The following PHKB variants were observed in gnomAD, a reference collection of about 807,000 sequenced individuals.
PHKB encodes phosphorylase kinase regulatory subunit beta.
Under a neutral mutation model 152.1 loss-of-function variants are expected in PHKB, and 122 were observed. The ratio of observed to expected loss-of-function variants is 0.80; its 90% CI spans 0.69 to 0.93. The LOEUF is 0.93. Ranked by LOEUF, PHKB falls within the 40% of genes least tolerant of loss-of-function variation. PHKB has a pLI of 0.00. For missense variants in PHKB, 1,304 were observed against 1,328.4 expected, an observed-to-expected ratio of 0.98 and a Z score of 0.29; for synonymous variants, 436 against 464.9, an observed-to-expected ratio of 0.94 and a Z score of 0.80.
At chr16:47,544,919 T>C (rs1971131726) in intron 6 of PHKB, among the ~76,000 whole-genome samples, 2 of 152,208 alleles carry the variant, frequency 1.3e-5, no homozygotes, top group Admixed American at 6.5e-5. Flanking sequence ...TTGCAACCCC[T>C]GCTTTTTTTT....
chr16:47,600,949 G>A (rs1489598877), intron 13 of PHKB, among the ~76,000 whole-genome samples: 1 of 152,178 alleles, frequency 6.6e-6, no homozygotes, highest in East Asian at 1.9e-4. Context: ...TTCGCGACTA[G>A]CCTCGCTAGT....
intron 8 of PHKB, among the ~76,000 whole-genome samples, chr16:47,582,088 G>A (rs572619262): frequency 2.6e-4 from 40 of 152,332 alleles, no homozygotes; most frequent in Admixed American, 7.2e-4. Context: ...AGGAGGCATG[G>A]ATTAAACCAG....
At position 47,699,297 on chromosome 16, in the gene PHKB, G is replaced by A. The variant is rs745857378; in HGVS notation, c.3213G>A (p.Lys1071=). ...GKRGTCSYLT[K]AVMNLLLEGE... Reference sequence around the variant, plus strand: ...GAGGAACATGCAGCTATTTGACAAAGGCGGTGATGAATCTGCTGCTGGAAG... The same window carrying A: ...GAGGAACATGCAGCTATTTGACAAAAGCGGTGATGAATCTGCTGCTGGAAG... The change falls in exon 31 of 31, where the codon AAG becomes AAA. Residue 1071 remains lysine (K), a synonymous_variant. Transcript: ENST00000323584. The A allele has an allele frequency of 2.5e-6, 4 of 1,614,008 alleles. No homozygotes were observed. The African/African-American group carries it at 5.3e-5, about 22-fold the overall frequency.
intron 6 of PHKB, among the ~76,000 whole-genome samples, chr16:47,545,835 T>G (rs1431655591): frequency 6.6e-6 from 1 of 152,214 alleles, no homozygotes; most frequent in Non-Finnish European, 1.5e-5. Context: ...TTCATTTCAT[T>G]CATTTGATCT....
chr16:47,617,293 G>A (rs1048485618), intron 14 of PHKB, among the ~76,000 whole-genome samples: 6 of 147,948 alleles, frequency 4.1e-5, no homozygotes, highest in Non-Finnish European at 6.0e-5. Context: ...CATATAAAAC[G>A]ATATATATCA....
intron 16 of PHKB, among the ~76,000 whole-genome samples, chr16:47,648,030 A>G (rs1203564778): frequency 6.6e-6 from 1 of 152,146 alleles, no homozygotes; most frequent in Admixed American, 6.5e-5. Flanking sequence ...AGTTGTTGCA[A>G]AAGGGATTGT....
intron 6 of PHKB, among the ~76,000 whole-genome samples, chr16:47,540,648 C>G (rs1971038218): frequency 1.3e-5 from 2 of 151,766 alleles, no homozygotes; most frequent in African/African-American, 4.8e-5. Context: ...AATAAAAGAA[C>G]CTACATTGAA....
chr16:47,648,416 A>C (rs1394711667), intron 16 of PHKB, 117 bp from the exon 17 acceptor site: 1 of 775,096 alleles, frequency 1.3e-6, no homozygotes, highest in Non-Finnish European at 2.3e-6. Flanking sequence ...TTTTTGGATT[A>C]GGGTTCCCTA....
intron 25 of PHKB, among the ~76,000 whole-genome samples, chr16:47,667,536 T>G (rs1490358715): frequency 6.6e-6 from 1 of 152,180 alleles, no homozygotes; most frequent in Non-Finnish European, 1.5e-5. Flanking sequence ...TTATCCCTGT[T>G]TGTTGGCTAA....
intron 11 of PHKB, among the ~76,000 whole-genome samples, chr16:47,593,916 TA>T (rs1198926681): frequency 6.6e-6 from 1 of 152,216 alleles, no homozygotes; most frequent in Admixed American, 6.5e-5. Context: ...AAAATTCAAT[TA>T]AAATTCAGTT....
At chr16:47,677,580 C>A (rs530287027) in intron 26 of PHKB, among the ~76,000 whole-genome samples, 18 of 152,126 alleles carry the variant, frequency 1.2e-4, no homozygotes, top group Admixed American at 7.2e-4. Context: ...TCTGGTATGT[C>A]TTCTTATAAG....
intron 29 of PHKB, 89 bp from the exon 30 acceptor site, chr16:47,698,359 C>A: frequency 1.0e-6 from 1 of 975,660 alleles, no homozygotes; most frequent in South Asian, 1.3e-5. Context: ...ATAGAATATC[C>A]TTTGGATCAC....
chr16:47,598,919 T>C (rs1267930241), intron 13 of PHKB: 18 of 1,585,974 alleles, frequency 1.1e-5, no homozygotes, highest in Non-Finnish European at 1.5e-5. Flanking sequence ...AGAATCTTTG[T>C]GTACAATATT....
chr16:47,565,509 C>T (rs1225104211), intron 7 of PHKB: 2 of 1,324,708 alleles, frequency 1.5e-6, no homozygotes, highest in Non-Finnish European at 2.2e-6. Flanking sequence ...CCTTTAGGGG[C>T]TGATCAGGTT....
intron 7 of PHKB, among the ~76,000 whole-genome samples, chr16:47,558,126 T>C (rs1971410324): frequency 6.7e-6 from 1 of 149,802 alleles, no homozygotes; most frequent in Non-Finnish European, 1.5e-5. Context: ...CAGTAAACTA[T>C]CGCAAGGACA....
chr16:47,533,523 G>A (rs1268047085), intron 6 of PHKB, among the ~76,000 whole-genome samples: 2 of 152,190 alleles, frequency 1.3e-5, no homozygotes, highest in African/African-American at 2.4e-5. Flanking sequence ...TCCCTTAGGT[G>A]TTCATCAATG....
intron 28 of PHKB, 151 bp downstream of exon 28, chr16:47,693,658 T>A (rs2142107289): frequency 1.1e-6 from 1 of 915,454 alleles, no homozygotes. Context: ...AGACATCTAA[T>A]CAATTGGATT....
At chr16:47,658,691 T>G (rs1230895398) in intron 20 of PHKB, among the ~76,000 whole-genome samples, 2 of 152,176 alleles carry the variant, frequency 1.3e-5, no homozygotes, top group Non-Finnish European at 2.9e-5. Flanking sequence ...AGCTTAGTGC[T>G]TAGTAGGCTA....
At chr16:47,464,203 G>C in intron 1 of PHKB, 1 of 573,192 alleles carries the variant, frequency 1.7e-6, no homozygotes, top group Non-Finnish European at 3.1e-6. Context: ...AAAGAACAGA[G>C]AGTGGAGTGC....
Sources: allele counts gnomAD v4.1 joint callset (sites outside exome capture counted in the v4.1 genomes callset), GRCh38; gene constraint gnomAD v4.1.1; transcripts MANE v1.5; gene names NCBI Gene and HGNC (gene_info 2026-07-23, HGNC 2026-07-21).